The following WNT11 variants were observed in gnomAD, a reference collection of about 807,000 sequenced individuals.
The protein encoded by WNT11 is protein Wnt-11.
A neutral mutation model predicts 35.6 loss-of-function variants in WNT11; 20 were observed. The ratio of observed to expected loss-of-function variants is 0.56; its 90% confidence interval spans 0.40 to 0.82. The LOEUF is 0.82. Ranked by LOEUF, WNT11 falls within the 40% of genes least tolerant of loss-of-function variation. WNT11 has a pLI of 0.00. For missense variants in WNT11, 459 were observed against 504.4 expected, an observed-to-expected ratio of 0.91 and a Z score of 0.86; for synonymous variants, 200 against 211.9, an observed-to-expected ratio of 0.94 and a Z score of 0.49.
In WNT11 at chr11:76,196,505, G is replaced by T. The variant is rs769752851; in HGVS notation, c.297C>A (p.Asn99Lys). Residue 99 changes from asparagine to lysine, a missense_variant, in exon 2 of 5, where the codon AAC (asparagine) becomes AAA (lysine). Coordinates refer to ENST00000322563, the MANE Select transcript of WNT11 (RefSeq NM_004626.3). ...WNCSSIELAP[N>K]YLLDLERGTR... Reference sequence around the variant, plus strand: ...TACCTCTCTCCAGGTCAAGCAAATAGTTGGGGGCGAGCTCAATGGAGGAGC... The same window carrying T: ...TACCTCTCTCCAGGTCAAGCAAATATTTGGGGGCGAGCTCAATGGAGGAGC... 6.2e-7 allele frequency: 1 copy of T among 1,613,456 alleles called. No homozygotes were observed. The highest frequency in any genetic ancestry group is 1.7e-5 in the Admixed American group (1 of 60,026).
upstream of WNT11, among the ~76,000 whole-genome samples, chr11:76,209,546 G>T (rs998175396): frequency 1.3e-5 from 2 of 152,212 alleles, no homozygotes; most frequent in Admixed American, 6.5e-5. Flanking sequence ...CCGCCAACCA[G>T]GGACGCCGAG....
chr11:76,207,757 C>G (rs1476575242), upstream of WNT11, among the ~76,000 whole-genome samples: 2 of 152,114 alleles, frequency 1.3e-5, no homozygotes, highest in Non-Finnish European at 2.9e-5. Flanking sequence ...GGCCTCCAGG[C>G]GGCGCCCTCG....
At chr11:76,209,450 G>A (rs551498845), upstream of WNT11, among the ~76,000 whole-genome samples, 2 of 152,244 alleles carry the variant, frequency 1.3e-5, no homozygotes, top group African/African-American at 4.8e-5. Flanking sequence ...CGGGCACCGT[G>A]CACCGGGGCC....
At chr11:76,200,237 GTGTGTCTAGA>G (rs1953353770) in intron 1 of WNT11, among the ~76,000 whole-genome samples, 1 of 152,164 alleles carries the variant, frequency 6.6e-6, no homozygotes, top group Non-Finnish European at 1.5e-5. Flanking sequence ...GAAATGTCTG[GTGTGTCTAGA>G]TGCCAGCATC....
At chr11:76,199,397 G>A (rs993655561) in intron 1 of WNT11, among the ~76,000 whole-genome samples, 7 of 151,954 alleles carry the variant, frequency 4.6e-5, no homozygotes, top group Middle Eastern at 6.8e-3. Context: ...ACTTGAGCCC[G>A]GGGGTTTGAG....
chr11:76,201,773 C>A (rs1953383229), intron 1 of WNT11, among the ~76,000 whole-genome samples: 1 of 152,202 alleles, frequency 6.6e-6, no homozygotes. Flanking sequence ...CCCATCCATA[C>A]TGCTCAATGC....
intron 4 of WNT11, among the ~76,000 whole-genome samples, chr11:76,190,123 G>T (rs892680935): frequency 6.6e-6 from 1 of 151,998 alleles, no homozygotes; most frequent in East Asian, 1.9e-4. Context: ...GAGATCACTC[G>T]ACAACCCTGT....
intron 1 of WNT11, among the ~76,000 whole-genome samples, chr11:76,197,308 G>T (rs1408418321): frequency 6.6e-6 from 1 of 152,216 alleles, no homozygotes; most frequent in African/African-American, 2.4e-5. Flanking sequence ...GGATTAAAGA[G>T]CCACTCAGTT....
intron 1 of WNT11, among the ~76,000 whole-genome samples, chr11:76,204,385 C>T (rs762773724): frequency 5.3e-5 from 8 of 152,326 alleles, no homozygotes; most frequent in African/African-American, 1.4e-4. Flanking sequence ...CTTGTGGTGC[C>T]TGGTTTCTCC....
At chr11:76,188,339 C>T (rs540942815) in intron 4 of WNT11, among the ~76,000 whole-genome samples, 4 of 152,372 alleles carry the variant, frequency 2.6e-5, no homozygotes, top group African/African-American at 7.2e-5. Context: ...ACTTGCTCTC[C>T]CTACCCTAAA....
chr11:76,192,927 C>A (rs1953207927), intron 3 of WNT11, among the ~76,000 whole-genome samples: 2 of 152,218 alleles, frequency 1.3e-5, no homozygotes, highest in South Asian at 4.1e-4. Context: ...GCATCAGAGA[C>A]ATGGGGAAAC....
chr11:76,194,849 G>A lies in WNT11; in HGVS notation c.320-5C>T. 1 of 1,495,678 alleles carries A rather than the reference G, an allele frequency of 6.7e-7. No homozygotes were observed. The highest frequency in any genetic ancestry group is 8.9e-7 in the Non-Finnish European group (1 of 1,128,798). The allele number at this position is 1,495,678 out of a possible 1,614,324, so 92.7% of individuals were successfully genotyped here. A position where few individuals can be genotyped will look rare whatever the true frequency, so the allele number is the denominator to read the frequency against. ...CGAAGGCCGACTCCCGGGTCCCTGA[G>A]GGTGGGAGGGGAAGGTCAGCCGACG... On this transcript the variant is annotated splice_polypyrimidine_tract_variant and splice_region_variant and intron_variant, in intron 2 of 4. Coordinates refer to ENST00000322563, the MANE Select transcript of WNT11 (RefSeq NM_004626.3). The surrounding 1 kb of genome is among the most constrained non-coding windows in gnomAD (Gnocchi z 5.4).
In WNT11 at chr11:76,194,714, G is replaced by C; in HGVS notation, c.450C>G (p.Pro150=). 1 of 1,550,424 alleles carries C rather than the reference G, an allele frequency of 6.4e-7. No homozygotes were observed. The highest frequency in any genetic ancestry group is 1.2e-5 in the South Asian group (1 of 84,008). Residue 150 remains proline, a synonymous_variant, in exon 3 of 5, where the codon CCC becomes CCG. Coordinates refer to ENST00000322563, the MANE Select transcript of WNT11 (RefSeq NM_004626.3). The surrounding 1 kb of genome is among the most constrained non-coding windows in gnomAD (Gnocchi z 5.4). ...CCGCACATCCTCCCCAGCGGTTCCC[G>C]GGCCCGGGTGGCTCACCTGGGACGG... ...CGPVPGEPPG[P]GNRWGGCADN... is the part of the protein sequence containing the mutation.
rs961254531 is a variant in WNT11 at position 76,196,851 on chromosome 11, C to CA, written c.84-134dup. 37 of 1,012,590 alleles carry CA rather than the reference C, an allele frequency of 3.7e-5. No homozygotes were observed. In the African/African-American group the frequency reaches 5.4e-4, roughly 15 times the overall value. 62.7% of individuals were successfully genotyped at this position (1,012,590 alleles called of 1,614,324 possible). A position where few individuals can be genotyped will look rare whatever the true frequency, so the allele number is the denominator to read the frequency against. On this transcript the variant is annotated intron_variant, in intron 1 of 4. Transcript: ENST00000322563. ...TGCCTCCTGGTTTCCTGGCTCCTTC[C>CA]AAAAAAGGCTCCCAAACTGTCAGCT...
At chr11:76,198,679 G>C (rs935155884) in intron 1 of WNT11, among the ~76,000 whole-genome samples, 4 of 152,146 alleles carry the variant, frequency 2.6e-5, no homozygotes, top group Non-Finnish European at 4.4e-5. Flanking sequence ...GGATGCCCTA[G>C]TCTAATGGCT....
upstream of WNT11, among the ~76,000 whole-genome samples, chr11:76,207,805 C>T (rs1329277073): frequency 6.6e-6 from 1 of 152,002 alleles, no homozygotes; most frequent in Non-Finnish European, 1.5e-5. Flanking sequence ...GCCCGCAGCC[C>T]GCGGAGCAGC....
Position 76,186,746 on chromosome 11 carries a change from C to A in WNT11, c.*319G>T. 1 of 454,472 alleles carries A rather than the reference C, an allele frequency of 2.2e-6. No individual in the cohort carries two copies. The allele number at this position is 454,472 out of a possible 1,614,324, so 28.2% of individuals were successfully genotyped here. On this transcript the variant is annotated 3_prime_UTR_variant, in exon 5 of 5. Transcript: ENST00000322563. The stretch of plus-strand genomic sequence containing the variant: ...CTTCCCGGAGGCTGGTCTCTGTGGC[C>A]CTGAAAGGTCAAGTCTGTATCAGTC...
intron 1 of WNT11, among the ~76,000 whole-genome samples, chr11:76,197,008 A>G (rs902239630): frequency 2.6e-5 from 4 of 152,216 alleles, no homozygotes; most frequent in Non-Finnish European, 5.9e-5. Flanking sequence ...AATTATACTA[A>G]CAAAACAGCT....
intron 1 of WNT11, among the ~76,000 whole-genome samples, chr11:76,204,679 G>T (rs1953443336): frequency 6.6e-6 from 1 of 152,186 alleles, no homozygotes; most frequent in South Asian, 2.1e-4. Context: ...ACCCATTTCT[G>T]TGGCAGCCTG....
Sources: gnomAD v4.1 joint callset for allele counts (sites outside exome capture counted in the v4.1 genomes callset) on GRCh38, gnomAD v4.1.1 for gene constraint, Gnocchi (gnomAD v3.1) non-coding constraint, MANE v1.5 for transcripts, NCBI Gene and HGNC (gene_info 2026-07-23, HGNC 2026-07-21) for gene names.